The following TVP23A variants were observed in gnomAD, a reference collection of about 807,000 sequenced individuals.
TVP23A encodes the protein Golgi apparatus membrane protein TVP23 homolog A.
In TVP23A, 21 loss-of-function variants were observed where a neutral mutation model predicts 31.7. The ratio of observed to expected loss-of-function variants is 0.66; its 90% CI spans 0.47 to 0.95. The LOEUF (loss-of-function observed/expected upper bound fraction) is 0.95. Among genes scored for constraint, TVP23A ranks in the 40% least tolerant of loss-of-function variants. The pLI, the probability that TVP23A is intolerant of heterozygous loss-of-function variation, is 0.00. For synonymous variants in TVP23A, 104 were observed against 96.0 expected, an observed-to-expected ratio of 1.08 and a Z score of -0.49; for missense variants, 279 against 255.6, an observed-to-expected ratio of 1.09 and a Z score of -0.62.
In TVP23A at chr16:10,796,837, T is replaced by C. The variant is rs372519440; in HGVS notation, c.89+21266A>G. ...GAATAAGCTGTAAAAAATAAAGTTA[T>C]GAGACAATCAAGGATAGGGACGCTG... On this transcript the variant is annotated intron_variant, in intron 2 of 7. Coordinates refer to ENST00000299866, the MANE Select transcript of TVP23A (RefSeq NM_001079512.4). Among the ~76,000 whole-genome samples the C allele has an allele frequency of 5.9e-5, 9 of 152,330 alleles. No homozygotes were observed. In the East Asian group the frequency reaches 1.2e-3, roughly 20 times the overall value.
At chr16:10,789,428 T>C (rs1341905180) in intron 2 of TVP23A, among the ~76,000 whole-genome samples, 1 of 152,138 alleles carries the variant, frequency 6.6e-6, no homozygotes, top group Non-Finnish European at 1.5e-5. Context: ...CCGTAGCCCA[T>C]GACATAGCCT....
At position 10,818,496 on chromosome 16, in the gene TVP23A, C is replaced by A; in HGVS notation, c.-3G>T. On this transcript the variant is annotated 5_prime_UTR_variant, in exon 1 of 8. Coordinates refer to ENST00000299866, the MANE Select transcript of TVP23A (RefSeq NM_001079512.4). This position sits in a 1 kb window ranked among gnomAD's most constrained non-coding sequence, Gnocchi z 4.7. ...CCCCGAGGCCCTACCTGCTTCATCA[C>A]CCTCCCAGGAGCCCACCTGGCGCCC... is the stretch of plus-strand genomic sequence containing the variant. The A allele has an allele frequency of 6.2e-7, 1 of 1,604,534 alleles. No individual in the cohort carries two copies. Among genetic ancestry groups the A allele is most frequent in the Non-Finnish European group, 8.5e-7 (1 of 1,178,736 alleles).
rs538390722 is a variant in TVP23A, at chr16:10,818,356, C to G, written c.9+129G>C. The G allele has an allele frequency of 9.7e-6, 14 of 1,438,724 alleles. No homozygotes were observed. Among genetic ancestry groups the G allele is most frequent in the Non-Finnish European group, 1.3e-5 (14 of 1,060,046 alleles). 89.1% of individuals were successfully genotyped at this position (1,438,724 alleles called of 1,614,324 possible). On this transcript the variant is annotated intron_variant, in intron 1 of 7. Transcript: ENST00000299866. The surrounding 1 kb of genome is among the most constrained non-coding windows in gnomAD (Gnocchi z 4.7). ...TGCAGTGCAAAGCCCTCTCCACCCT[C>G]CCGACCACCGGGTGCAGCCCAGCCC...
In TVP23A at chr16:10,767,886, G is replaced by T; in HGVS notation, c.*1216C>A. On this transcript the variant is annotated 3_prime_UTR_variant, in exon 8 of 8. Transcript: ENST00000299866. This position sits in a 1 kb window ranked among gnomAD's most constrained non-coding sequence, Gnocchi z 4.6. Reference sequence around the variant, plus strand: ...GTCACCAGCACGGAAAGAGCCCCAAGATCTTGTGGCCATTCTGTTTTCCTC... The same window carrying T: ...GTCACCAGCACGGAAAGAGCCCCAATATCTTGTGGCCATTCTGTTTTCCTC... 1 of 1,466,254 alleles carries T rather than the reference G, an allele frequency of 6.8e-7. No homozygotes were observed. The highest frequency in any genetic ancestry group is 1.1e-5 in the South Asian group (1 of 88,038). The allele number at this position is 1,466,254 out of a possible 1,614,324, so 90.8% of individuals were successfully genotyped here.
chr16:10,783,669 C>T (rs1210577102), intron 2 of TVP23A, among the ~76,000 whole-genome samples: 3 of 152,140 alleles, frequency 2.0e-5, no homozygotes, highest in African/African-American at 7.2e-5. Flanking sequence ...GAGTGAGACT[C>T]TGTCTCAAAA....
At chr16:10,799,497 C>T (rs1436821404) in intron 2 of TVP23A, among the ~76,000 whole-genome samples, 1 of 152,174 alleles carries the variant, frequency 6.6e-6, no homozygotes, top group Non-Finnish European at 1.5e-5. Flanking sequence ...CCACGCCTGA[C>T]TAATTTTTGT....
intron 2 of TVP23A, among the ~76,000 whole-genome samples, chr16:10,814,407 C>A (rs2034340823): frequency 6.6e-6 from 1 of 152,188 alleles, no homozygotes; most frequent in Non-Finnish European, 1.5e-5. Context: ...CCCAGAAGTG[C>A]TTCTTCACCT....
At position 10,769,003 on chromosome 16, in the gene TVP23A, T is replaced by A; in HGVS notation, c.*99A>T. The A allele has an allele frequency of 6.4e-7, 1 of 1,568,544 alleles. No individual in the cohort carries two copies. Among genetic ancestry groups the A allele is most frequent in the Non-Finnish European group, 8.8e-7 (1 of 1,138,706 alleles). On this transcript the variant is annotated 3_prime_UTR_variant, in exon 8 of 8. Transcript: ENST00000299866. ...AGCACAGGACAGGGCTGTCAAGGGGTAGACAAGCCATTAGCACTCTATGCC... is the reference window on the plus strand; with the variant it reads ...AGCACAGGACAGGGCTGTCAAGGGGAAGACAAGCCATTAGCACTCTATGCC...
At chr16:10,770,401 G>C (rs962765598) in intron 6 of TVP23A, 70 bp from the exon 7 acceptor site, 1 of 1,502,710 alleles carries the variant, frequency 6.7e-7, no homozygotes. Context: ...CTGATGGAAG[G>C]CCAGAGAAAA....
chr16:10,761,882 G>A (rs1084544), downstream of TVP23A: 434,908 of 1,575,712 alleles, frequency 0.28, 61,718 homozygotes, highest in South Asian at 0.34. Flanking sequence ...AGTGTGGGGC[G>A]GCACCTCACT....
chr16:10,761,778 C>T (rs146605166), downstream of TVP23A: 24 of 1,613,918 alleles, frequency 1.5e-5, no homozygotes, highest in Non-Finnish European at 1.9e-5. Context: ...GATATTCCCT[C>T]CCACAACCGG....
In TVP23A at chr16:10,775,115, G is replaced by C. The variant is rs746739702; in HGVS notation, c.90-19C>G. The C allele has an allele frequency of 6.3e-7, 1 of 1,598,698 alleles. No homozygotes were observed. The highest frequency in any genetic ancestry group is 2.3e-5 in the East Asian group (1 of 44,092). On this transcript the variant is annotated intron_variant, in intron 2 of 7. Transcript: ENST00000299866. ...GGGGTGTCTAGGAAAGGACCCAGAA[G>C]GCGCCCTCACTCCAAGAGCTAAGCG...
At chr16:10,812,953 C>T (rs1045309202) in intron 2 of TVP23A, among the ~76,000 whole-genome samples, 5 of 152,062 alleles carry the variant, frequency 3.3e-5, no homozygotes, top group African/African-American at 1.2e-4. Context: ...GGGAAAAACA[C>T]ATACAGCATG....
intron 2 of TVP23A, among the ~76,000 whole-genome samples, chr16:10,817,877 C>G (rs1596595991): frequency 6.6e-6 from 1 of 152,300 alleles, no homozygotes; most frequent in South Asian, 2.1e-4. Context: ...ATTCAATTAT[C>G]TCATTAATCT....
At chr16:10,763,586 GT>G (rs1313490596), downstream of TVP23A, 2 of 152,406 alleles carry the variant, frequency 1.3e-5, no homozygotes, top group African/African-American at 4.8e-5. Flanking sequence ...GCCGGAAGTG[GT>G]GATGAGAGCT....
At chr16:10,799,991 T>C (rs2033613105) in intron 2 of TVP23A, among the ~76,000 whole-genome samples, 1 of 149,306 alleles carries the variant, frequency 6.7e-6, no homozygotes, top group Admixed American at 6.6e-5. Context: ...GTTTTTGTTT[T>C]CACCCTGAGT....
intron 2 of TVP23A, among the ~76,000 whole-genome samples, chr16:10,805,189 G>A (rs564496036): frequency 7.2e-5 from 11 of 151,814 alleles, no homozygotes; most frequent in African/African-American, 2.4e-4. Context: ...ATGCCACCAC[G>A]CCTGATTAAT....
rs142275829 is a variant in TVP23A, at chr16:10,779,810, G to A, written c.90-4714C>T. Reference sequence around the variant, plus strand: ...ATTCATCTAAAATAAGTGATTGGCCGGGGGCGGTGGCTCACGCCTGTAATC... The same window carrying A: ...ATTCATCTAAAATAAGTGATTGGCCAGGGGCGGTGGCTCACGCCTGTAATC... On this transcript the variant is annotated intron_variant, in intron 2 of 7. Transcript: ENST00000299866. The surrounding 1 kb of genome is among the most constrained non-coding windows in gnomAD (Gnocchi z 4.9). 3.2e-3 allele frequency among the ~76,000 whole-genome samples: 486 copies of A among 152,288 alleles called. 4 individuals are homozygous for A. Among genetic ancestry groups the A allele is most frequent in the Non-Finnish European group, 5.6e-3 (383 of 68,024 alleles).
At position 10,769,003 on chromosome 16, in the gene TVP23A, T is replaced by C; in HGVS notation, c.*99A>G. 1 of 1,568,544 alleles carries C rather than the reference T, an allele frequency of 6.4e-7. No individual in the cohort carries two copies. The highest frequency in any genetic ancestry group is 1.7e-4 in the Middle Eastern group (1 of 5,976). On this transcript the variant is annotated 3_prime_UTR_variant, in exon 8 of 8. Transcript: ENST00000299866. The stretch of plus-strand genomic sequence containing the variant: ...AGCACAGGACAGGGCTGTCAAGGGG[T>C]AGACAAGCCATTAGCACTCTATGCC...
Sources: allele counts gnomAD v4.1 joint callset (sites outside exome capture counted in the v4.1 genomes callset), GRCh38; gene constraint gnomAD v4.1.1; non-coding constraint Gnocchi (gnomAD v3.1); transcripts MANE v1.5; gene names NCBI Gene and HGNC (gene_info 2026-07-23, HGNC 2026-07-21).